HIRA: variants seen among roughly 807,000 people sequenced by gnomAD.
HIRA encodes the protein histone cell cycle regulator, also known as protein HIRA.
In HIRA, 13 loss-of-function variants were observed where a neutral mutation model predicts 126.6. That is an observed-to-expected ratio of 0.10 (90% CI 0.07 to 0.16). The LOEUF (loss-of-function observed/expected upper bound fraction) is 0.16. Among genes scored for constraint, HIRA ranks in the 10% least tolerant of loss-of-function variants. HIRA has a pLI of 1.00. For synonymous variants in HIRA, 511 were observed against 520.0 expected, an observed-to-expected ratio of 0.98 and a Z score of 0.24; for missense variants, 834 against 1,314.4, an observed-to-expected ratio of 0.63 and a Z score of 5.65.
chr22:19,419,273 G>A (rs752438136), intron 1 of HIRA, among the ~76,000 whole-genome samples: 1 of 152,142 alleles, frequency 6.6e-6, no homozygotes, highest in Non-Finnish European at 1.5e-5. Context: ...CAGACCTTGA[G>A]AGGAGAGGCC....
intron 18 of HIRA, 125 bp downstream of exon 18, chr22:19,359,211 G>A (rs1245110007): frequency 9.9e-7 from 1 of 1,011,262 alleles, no homozygotes; most frequent in African/African-American, 1.7e-5. Flanking sequence ...AGTGAAGCCT[G>A]GTGTGAGTCT....
chr22:19,367,278 C>T (rs1411230903), intron 15 of HIRA, among the ~76,000 whole-genome samples: 1 of 152,078 alleles, frequency 6.6e-6, no homozygotes, highest in African/African-American at 2.4e-5. Context: ...CCAGGACCCC[C>T]AGGAGATATC....
At chr22:19,390,198 T>C (rs904268018) in intron 9 of HIRA, among the ~76,000 whole-genome samples, 2 of 152,084 alleles carry the variant, frequency 1.3e-5, no homozygotes, top group African/African-American at 2.4e-5. Context: ...CCACAGTTCT[T>C]ACCCTTGGGT....
intron 8 of HIRA, among the ~76,000 whole-genome samples, chr22:19,394,057 A>G (rs1484435208): frequency 6.6e-6 from 1 of 152,148 alleles, no homozygotes; most frequent in East Asian, 1.9e-4. Flanking sequence ...TGGGTATACC[A>G]GAATTGTACC....
chr22:19,350,016 C>T (rs1556010327), intron 24 of HIRA, among the ~76,000 whole-genome samples: 1 of 150,208 alleles, frequency 6.7e-6, no homozygotes, highest in African/African-American at 2.5e-5. Flanking sequence ...GAGACGGAGT[C>T]TCGCTCTATT....
intron 1 of HIRA, among the ~76,000 whole-genome samples, chr22:19,424,731 T>C (rs1352129308): frequency 1.3e-5 from 2 of 152,190 alleles, no homozygotes; most frequent in Non-Finnish European, 2.9e-5. Context: ...AGTGGAATCT[T>C]GGTGCCAGGG....
chr22:19,353,309 TG>T, intron 23 of HIRA, 46 bp downstream of exon 23: 1 of 1,606,236 alleles, frequency 6.2e-7, no homozygotes, highest in Non-Finnish European at 8.5e-7. Flanking sequence ...CCTGGGAGGA[TG>T]GAGGGGCAGA....
At chr22:19,411,435 C>A (rs1019147963) in intron 1 of HIRA, among the ~76,000 whole-genome samples, 18 of 152,186 alleles carry the variant, frequency 1.2e-4, no homozygotes, top group African/African-American at 4.1e-4. Context: ...AGCTGGCTGG[C>A]TGGGTGGGTG....
intron 13 of HIRA, 40 bp downstream of exon 13, chr22:19,383,580 T>C: frequency 6.7e-7 from 1 of 1,496,360 alleles, no homozygotes; most frequent in Non-Finnish European, 9.3e-7. Flanking sequence ...GACAGGAAGA[T>C]CTCGCCAGAT....
chr22:19,356,102 A>G (rs2146192412), intron 20 of HIRA, 128 bp downstream of exon 20: 1 of 887,660 alleles, frequency 1.1e-6, no homozygotes, highest in East Asian at 2.5e-5. Context: ...CAGCGTAACC[A>G]CACCTCCTGC....
In HIRA at chr22:19,351,076, C is replaced by T. The variant is rs1005072374; in HGVS notation, c.2937+282G>A. ...TCCACGAAGGCAGGGAAGTACCTTCCGTCTTTTGTCTTCACAACCAAGCCC... is the reference window on the plus strand; with the variant it reads ...TCCACGAAGGCAGGGAAGTACCTTCTGTCTTTTGTCTTCACAACCAAGCCC... On this transcript the variant is annotated intron_variant, in intron 24 of 24. Transcript: ENST00000263208. The surrounding 1 kb of genome is among the most constrained non-coding windows in gnomAD (Gnocchi z 4.8). The T allele has an allele frequency of 1.6e-5, 15 of 967,332 alleles. No individual in the cohort carries two copies. The highest frequency in any genetic ancestry group is 1.2e-4 in the Admixed American group (2 of 16,238). The allele number at this position is 967,332 out of a possible 1,614,324, so 59.9% of individuals were successfully genotyped here.
At chr22:19,430,578 T>C (rs5993640) in intron 1 of HIRA, among the ~76,000 whole-genome samples, 3,031 of 133,800 alleles carry the variant, frequency 0.023, 115 homozygotes, top group African/African-American at 0.081. Context: ...AATCAGGCCC[T>C]GGGCTGGAGG....
intron 1 of HIRA, among the ~76,000 whole-genome samples, chr22:19,415,429 A>T (rs187374712): frequency 7.2e-5 from 11 of 152,370 alleles, no homozygotes; most frequent in Admixed American, 5.2e-4. Flanking sequence ...CTGCTGAAGG[A>T]AATCAAAGAC....
rs559229363 is a variant in HIRA at position 19,353,258 on chromosome 22, C to T, written c.2848+98G>A. ...AGGCTGGGAGGTAGAGGCTGCTGGG[C>T]CATCACATCTTTTCCCTGATTTCAC... is the stretch of plus-strand genomic sequence containing the variant. On this transcript the variant is annotated intron_variant, in intron 23 of 24. Transcript: ENST00000263208. The T allele has an allele frequency of 3.0e-5, 43 of 1,445,562 alleles. 1 individual carries two copies. In the East Asian group the frequency reaches 7.0e-4, roughly 23 times the overall value. The allele number at this position is 1,445,562 out of a possible 1,614,324, so 89.5% of individuals were successfully genotyped here.
At chr22:19,354,487 G>T (rs2088791140) in intron 21 of HIRA, among the ~76,000 whole-genome samples, 2 of 152,196 alleles carry the variant, frequency 1.3e-5, no homozygotes, top group Non-Finnish European at 2.9e-5. Context: ...ACATGGCCTG[G>T]GCCCTGTAGC....
intron 15 of HIRA, chr22:19,365,861 C>G (rs2088907367): frequency 6.6e-6 from 1 of 152,084 alleles, no homozygotes; most frequent in Non-Finnish European, 1.5e-5. Flanking sequence ...GGTGTCCACA[C>G]TAAGTTTGGC....
chr22:19,397,029 AAG>A, intron 6 of HIRA, 82 bp from the exon 7 acceptor site: 2 of 1,320,476 alleles, frequency 1.5e-6, no homozygotes, highest in South Asian at 1.3e-5. Flanking sequence ...ATGGATATGC[AAG>A]AGAGGGGACT....
intron 15 of HIRA, among the ~76,000 whole-genome samples, chr22:19,364,473 C>T (rs1024806633): frequency 5.9e-5 from 9 of 152,192 alleles, no homozygotes; most frequent in Non-Finnish European, 1.2e-4. Flanking sequence ...ATTTCCCCAA[C>T]AGCAGGTGCT....
rs1029995029 is a variant in HIRA, at chr22:19,349,471, T to C, written c.2937+1887A>G. On this transcript the variant is annotated intron_variant, in intron 24 of 24. Transcript: ENST00000263208. ...GATGGGGAAAATGAAAGGGAAGAAA[T>C]AATCAAATAGGAAAACCGAAGAAAA... is the stretch of plus-strand genomic sequence containing the variant. 2.0e-5 allele frequency among the ~76,000 whole-genome samples: 3 copies of C among 152,286 alleles called. No homozygotes were observed. The East Asian group carries it at 5.8e-4, about 29-fold the overall frequency.
Sources: allele counts gnomAD v4.1 joint callset (sites outside exome capture counted in the v4.1 genomes callset), GRCh38; gene constraint gnomAD v4.1.1; non-coding constraint Gnocchi (gnomAD v3.1); transcripts MANE v1.5; gene names NCBI Gene and HGNC (gene_info 2026-07-23, HGNC 2026-07-21).